FHAD1: variants seen among roughly 807,000 people sequenced by gnomAD.
FHAD1 encodes forkhead-associated domain-containing protein 1.
A neutral mutation model predicts 191.3 loss-of-function variants in FHAD1; 146 were observed. The observed-to-expected ratio is 0.76, with a 90% CI of 0.67 to 0.88. FHAD1 has a LOEUF of 0.88. Ranked by LOEUF, FHAD1 falls within the 40% of genes least tolerant of loss-of-function variation. The pLI is 0.00. For missense variants in FHAD1, 1,635 were observed against 1,785.8 expected, an observed-to-expected ratio of 0.92 and a Z score of 1.52; for synonymous variants, 616 against 672.3, an observed-to-expected ratio of 0.92 and a Z score of 1.29.
At chr1:15,337,817 G>A (rs1421219359) in intron 14 of FHAD1, among the ~76,000 whole-genome samples, 1 of 151,456 alleles carries the variant, frequency 6.6e-6, no homozygotes, top group East Asian at 1.9e-4. Context: ...TCTGTCAGCC[G>A]CTGGAATAGG....
chr1:15,310,612 T>C (rs1671979750), intron 7 of FHAD1, among the ~76,000 whole-genome samples: 1 of 152,186 alleles, frequency 6.6e-6, no homozygotes, highest in African/African-American at 2.4e-5. Context: ...ATCACCTGGA[T>C]CCTTGTGAGA....
At chr1:15,301,745 A>T (rs1238655694) in intron 6 of FHAD1, among the ~76,000 whole-genome samples, 1 of 152,208 alleles carries the variant, frequency 6.6e-6, no homozygotes, top group Non-Finnish European at 1.5e-5. Context: ...AGGCAGGCCC[A>T]GGCCGGGCGC....
intron 2 of FHAD1, 38 bp downstream of exon 2, chr1:15,251,915 AC>A: frequency 2.0e-6 from 3 of 1,502,642 alleles, no homozygotes; most frequent in Non-Finnish European, 2.7e-6. Flanking sequence ...CCCCTCCCTG[AC>A]CCCTTCCTTC....
chr1:15,324,997 T>G (rs1270390021), intron 11 of FHAD1: 3 of 183,416 alleles, frequency 1.6e-5, no homozygotes, highest in Non-Finnish European at 3.5e-5. Context: ...AACCCTGGAG[T>G]GTCCAAAGTG....
chr1:15,378,791 G>A (rs998198573), intron 28 of FHAD1, among the ~76,000 whole-genome samples: 1 of 152,028 alleles, frequency 6.6e-6, no homozygotes, highest in Non-Finnish European at 1.5e-5. Context: ...CAGGTTTACA[G>A]TATAGAGCCG....
intron 10 of FHAD1, among the ~76,000 whole-genome samples, chr1:15,319,261 G>C (rs1675519229): frequency 6.6e-6 from 1 of 152,192 alleles, no homozygotes; most frequent in Non-Finnish European, 1.5e-5. Flanking sequence ...ATGAATGTGA[G>C]TATAGTCAGC....
chr1:15,293,718 CA>C (rs1426633278), intron 4 of FHAD1, among the ~76,000 whole-genome samples: 6 of 152,074 alleles, frequency 3.9e-5, no homozygotes, highest in Admixed American at 1.3e-4. Context: ...GATTCTACCT[CA>C]AAAAACCAAC....
intron 26 of FHAD1, among the ~76,000 whole-genome samples, chr1:15,372,898 A>G (rs1445388894): frequency 2.0e-5 from 3 of 152,068 alleles, no homozygotes; most frequent in Admixed American, 6.5e-5. Flanking sequence ...TCTACCAGAT[A>G]TTTTCACCTT....
intron 1 of FHAD1, among the ~76,000 whole-genome samples, chr1:15,248,946 T>A (rs984312288): frequency 2.6e-5 from 4 of 151,502 alleles, no homozygotes; most frequent in African/African-American, 9.7e-5. Flanking sequence ...ACTATCCCTA[T>A]CCTCTCAGGA....
intron 19 of FHAD1, among the ~76,000 whole-genome samples, chr1:15,350,794 A>G (rs1437141677): frequency 6.6e-6 from 1 of 152,038 alleles, no homozygotes; most frequent in Non-Finnish European, 1.5e-5. Flanking sequence ...TGGGCAGTTG[A>G]GTGGGCACAG....
At chr1:15,291,127 T>TC (rs1253030586) in intron 4 of FHAD1, among the ~76,000 whole-genome samples, 4 of 139,186 alleles carry the variant, frequency 2.9e-5, no homozygotes, top group East Asian at 3.9e-4. Context: ...TTTTTTTTTT[T>TC]CTTGAGACAG....
chr1:15,313,208 C>G (rs2101167198), intron 8 of FHAD1, 21 bp downstream of exon 8: 1 of 1,550,184 alleles, frequency 6.5e-7, no homozygotes, highest in East Asian at 2.4e-5. Context: ...ATGACTGCGT[C>G]ACCTTGTAGC....
chr1:15,355,359 T>G (rs924709149), intron 20 of FHAD1, among the ~76,000 whole-genome samples: 1 of 152,196 alleles, frequency 6.6e-6, no homozygotes, highest in Admixed American at 6.5e-5. Context: ...GGCAGAGAGT[T>G]GCTTGTTTGC....
chr1:15,245,769 G>C (rs1424493051), upstream of FHAD1, among the ~76,000 whole-genome samples: 2 of 152,188 alleles, frequency 1.3e-5, no homozygotes, highest in African/African-American at 4.8e-5. Context: ...ATAAATCAGG[G>C]TTTTGTCAAG....
At chr1:15,350,049 C>T (rs1690285019) in intron 19 of FHAD1, among the ~76,000 whole-genome samples, 1 of 152,230 alleles carries the variant, frequency 6.6e-6, no homozygotes, top group Non-Finnish European at 1.5e-5. Context: ...ACGTGCCAGC[C>T]CCCACAGAAC....
At position 15,252,318 on chromosome 1, in the gene FHAD1, G is replaced by A. The variant is rs966725849; in HGVS notation, c.93+441G>A. The stretch of plus-strand genomic sequence containing the variant: ...CTGTAGACAGAGAGCAGCAGCTCAG[G>A]GCAGTTTTGCAGTCATATTTATACT... On this transcript the variant is annotated intron_variant, in intron 2 of 33. Coordinates refer to ENST00000688493, the MANE Select transcript of FHAD1 (RefSeq NM_001391957.1). Among the ~76,000 whole-genome samples, 17 of 152,124 alleles carry A rather than the reference G, an allele frequency of 1.1e-4. 1 individual carries two copies. The highest frequency in any genetic ancestry group is 2.9e-5 in the Non-Finnish European group (2 of 68,022).
intron 5 of FHAD1, among the ~76,000 whole-genome samples, chr1:15,298,237 A>G (rs1667562744): frequency 6.6e-6 from 1 of 152,230 alleles, no homozygotes; most frequent in African/African-American, 2.4e-5. Context: ...AATGACCTGG[A>G]TGAGACTGGA....
chr1:15,362,841 C>T (rs1695246293), intron 23 of FHAD1, 115 bp downstream of exon 23: 4 of 769,132 alleles, frequency 5.2e-6, no homozygotes, highest in South Asian at 4.7e-5. Flanking sequence ...AACAAGGAGC[C>T]GGGCCTGCTG....
At chr1:15,339,590 G>A (rs766391303) in intron 15 of FHAD1, 39 bp downstream of exon 15, 37 of 1,118,534 alleles carry the variant, frequency 3.3e-5, no homozygotes, top group Non-Finnish European at 3.4e-5. Flanking sequence ...AGTTCATTTC[G>A]GCCCCTGGTT....
Sources: gnomAD v4.1 joint callset for allele counts (sites outside exome capture counted in the v4.1 genomes callset) on GRCh38, gnomAD v4.1.1 for gene constraint, MANE v1.5 for transcripts, NCBI Gene and HGNC (gene_info 2026-07-23, HGNC 2026-07-21) for gene names.